Variants in CNTNAP2 observed in about 807,000 individuals in gnomAD.
The protein encoded by CNTNAP2 is contactin-associated protein-like 2.
In CNTNAP2, 98 loss-of-function variants were observed where a neutral mutation model predicts 155.2. The observed-to-expected ratio is 0.63, with a 90% CI of 0.54 to 0.75. CNTNAP2 has a LOEUF of 0.75. Among genes scored for constraint, CNTNAP2 ranks in the 30% least tolerant of loss-of-function variants. The probability of loss-of-function intolerance (pLI) is 0.00; values close to 1 mark genes in which losing one functional copy is unlikely to be tolerated. For synonymous variants in CNTNAP2, 651 were observed against 631.2 expected, an observed-to-expected ratio of 1.03 and a Z score of -0.47; for missense variants, 1,727 against 1,688.1, an observed-to-expected ratio of 1.02 and a Z score of -0.40.
Position 146,475,027 on chromosome 7 carries a change from AC to A in CNTNAP2, c.98-299243del, listed in dbSNP as rs1410553632. Among the ~76,000 whole-genome samples, 13 of 152,052 alleles carry A rather than the reference AC, an allele frequency of 8.5e-5. No individual in the cohort carries two copies. The East Asian group carries it at 2.1e-3, about 25-fold the overall frequency. On this transcript the variant is annotated intron_variant, in intron 1 of 23. Coordinates refer to ENST00000361727, the MANE Select transcript of CNTNAP2 (RefSeq NM_014141.6). Reference sequence around the variant, plus strand: ...CGCGCGCGCGCGCACACACACACACACACACACACACACGTACTTACATATA... The same window carrying A: ...CGCGCGCGCGCGCACACACACACACAACACACACACACGTACTTACATATA...
intron 13 of CNTNAP2, among the ~76,000 whole-genome samples, chr7:147,852,862 G>C (rs745883843): frequency 9.9e-5 from 15 of 152,076 alleles, no homozygotes; most frequent in Non-Finnish European, 2.1e-4. Context: ...ATATTATTTT[G>C]TAAGACTATG....
At chr7:147,476,187 T>G (rs749126623) in intron 10 of CNTNAP2, among the ~76,000 whole-genome samples, 14 of 152,008 alleles carry the variant, frequency 9.2e-5, no homozygotes, top group Non-Finnish European at 1.6e-4. Context: ...CTCACTGCAA[T>G]CTCCTCCTCC....
intron 12 of CNTNAP2, among the ~76,000 whole-genome samples, chr7:147,621,854 G>T (rs2116893699): frequency 6.6e-6 from 1 of 151,850 alleles, no homozygotes. Context: ...AGATGAAAAA[G>T]AAAAACCATT....
rs1799004792 is a variant in CNTNAP2 at position 147,510,852 on chromosome 7, T to TATATATATATATATATATATAC, written c.1777+24830_1777+24831insTACATATATATATATATATATA. 3.8e-5 allele frequency among the ~76,000 whole-genome samples: 5 copies of TATATATATATATATATATATAC among 133,076 alleles called. No individual in the cohort carries two copies. The South Asian group carries it at 1.2e-3, about 32-fold the overall frequency. 87.3% of individuals were successfully genotyped at this position (133,076 alleles called of 152,430 possible). A position where few individuals can be genotyped will look rare whatever the true frequency, so the allele number is the denominator to read the frequency against. On this transcript the variant is annotated intron_variant, in intron 11 of 23. Transcript: ENST00000361727. The stretch of plus-strand genomic sequence containing the variant: ...TGCTCCTGTGATGGGCCTACAACCA[T>TATATATATATATATATATATAC]ATATATATATATATATATAATGCTT...
chr7:147,523,241 G>C (rs1799261187), intron 11 of CNTNAP2, among the ~76,000 whole-genome samples: 1 of 152,160 alleles, frequency 6.6e-6, no homozygotes, highest in African/African-American at 2.4e-5. Context: ...CTTTCTCATG[G>C]AGCCTCGTCA....
chr7:146,774,970 A>G (rs986320431), intron 2 of CNTNAP2, among the ~76,000 whole-genome samples: 16 of 152,334 alleles, frequency 1.1e-4, no homozygotes, highest in Middle Eastern at 3.4e-3. Context: ...CACTGAGAGT[A>G]AAAGAACATA....
intron 17 of CNTNAP2, among the ~76,000 whole-genome samples, chr7:148,149,731 T>A: frequency 6.6e-6 from 1 of 152,012 alleles, no homozygotes; most frequent in Non-Finnish European, 1.5e-5. Context: ...TTTGTATTTT[T>A]AGTAGAGAAG....
At chr7:146,548,199 T>A (rs1798058987) in intron 1 of CNTNAP2, among the ~76,000 whole-genome samples, 1 of 151,972 alleles carries the variant, frequency 6.6e-6, no homozygotes, top group Non-Finnish European at 1.5e-5. Context: ...CTCCCATTCA[T>A]AAGTGAGAAC....
chr7:147,002,652 G>A (rs772438252), intron 3 of CNTNAP2, among the ~76,000 whole-genome samples: 1 of 151,896 alleles, frequency 6.6e-6, no homozygotes, highest in Non-Finnish European at 1.5e-5. Context: ...TCACAGTTCT[G>A]GGGGTCAAGA....
intron 17 of CNTNAP2, among the ~76,000 whole-genome samples, chr7:148,169,444 G>T (rs1585164404): frequency 6.6e-6 from 1 of 152,124 alleles, no homozygotes; most frequent in East Asian, 1.9e-4. Flanking sequence ...TTAAAAGTAT[G>T]ATTAACTAAT....
intron 10 of CNTNAP2, among the ~76,000 whole-genome samples, chr7:147,429,023 A>T (rs1797425546): frequency 3.3e-5 from 5 of 152,134 alleles, no homozygotes; most frequent in Middle Eastern, 3.4e-3. Context: ...GAGAATATAC[A>T]ATGTTTGATT....
intron 13 of CNTNAP2, among the ~76,000 whole-genome samples, chr7:147,787,475 G>T (rs1323415294): frequency 6.6e-6 from 1 of 152,198 alleles, no homozygotes; most frequent in Non-Finnish European, 1.5e-5. Context: ...AATAGTCATT[G>T]TATACCACAT....
At chr7:148,360,148 G>C (rs374691482) in intron 21 of CNTNAP2, among the ~76,000 whole-genome samples, 1 of 152,198 alleles carries the variant, frequency 6.6e-6, no homozygotes, top group African/African-American at 2.4e-5. Flanking sequence ...AGTGACAAAT[G>C]ATACAACAAG....
At chr7:148,119,320 G>A (rs540034456) in intron 16 of CNTNAP2, among the ~76,000 whole-genome samples, 76 of 151,546 alleles carry the variant, frequency 5.0e-4, no homozygotes, top group East Asian at 3.7e-3. Context: ...TCAGGAGTTC[G>A]AGACCATCCT....
chr7:147,238,170 A>G (rs972228980), intron 8 of CNTNAP2, among the ~76,000 whole-genome samples: 12 of 151,830 alleles, frequency 7.9e-5, no homozygotes, highest in South Asian at 2.1e-4. Flanking sequence ...GCCCGCCACC[A>G]CGCCCGGCTA....
chr7:147,181,075 T>C (rs1456932542), intron 8 of CNTNAP2, among the ~76,000 whole-genome samples: 1 of 152,164 alleles, frequency 6.6e-6, no homozygotes, highest in African/African-American at 2.4e-5. Context: ...CAGGTGGGAA[T>C]AGTATATGCA....
chr7:146,743,250 T>C (rs1214323051), intron 1 of CNTNAP2, among the ~76,000 whole-genome samples: 2 of 152,184 alleles, frequency 1.3e-5, no homozygotes, highest in African/African-American at 4.8e-5. Flanking sequence ...TCAGAGTCCA[T>C]AGGAGGTACA....
chr7:148,263,075 A>C (rs1384399987), intron 20 of CNTNAP2: 1 of 152,194 alleles, frequency 6.6e-6, no homozygotes, highest in African/African-American at 2.4e-5. Flanking sequence ...GAGAGAGAAG[A>C]CGTAAGGACG....
At chr7:146,537,736 G>C (rs1157154407) in intron 1 of CNTNAP2, among the ~76,000 whole-genome samples, 1 of 152,088 alleles carries the variant, frequency 6.6e-6, no homozygotes, top group African/African-American at 2.4e-5. Context: ...AGTTGGAAGA[G>C]CAAATGCAAG....
Sources: allele counts gnomAD v4.1 joint callset (sites outside exome capture counted in the v4.1 genomes callset), GRCh38; gene constraint gnomAD v4.1.1; transcripts MANE v1.5; gene names NCBI Gene and HGNC (gene_info 2026-07-23, HGNC 2026-07-21).